The following ST3GAL6 variants were observed in gnomAD, a reference collection of about 807,000 sequenced individuals.
ST3GAL6 encodes the protein type 2 lactosamine alpha-2,3-sialyltransferase.
Under a neutral mutation model 40.5 loss-of-function variants are expected in ST3GAL6, and 31 were observed. The observed-to-expected ratio is 0.77, with a 90% CI of 0.58 to 1.03. ST3GAL6 has a LOEUF of 1.03. Ranked by LOEUF, ST3GAL6 falls within the 50% of genes least tolerant of loss-of-function variation. The pLI, the probability that ST3GAL6 is intolerant of heterozygous loss-of-function variation, is 0.00. For synonymous variants in ST3GAL6, 129 were observed against 136.9 expected, an observed-to-expected ratio of 0.94 and a Z score of 0.40; for missense variants, 357 against 393.2, an observed-to-expected ratio of 0.91 and a Z score of 0.78.
chr3:98,735,568 T>C (rs1576013201), intron 1 of ST3GAL6, among the ~76,000 whole-genome samples: 2 of 152,300 alleles, frequency 1.3e-5, no homozygotes, highest in South Asian at 4.1e-4. Flanking sequence ...TTCTTTCCTT[T>C]CTGAATACAT....
upstream of ST3GAL6, among the ~76,000 whole-genome samples, chr3:98,761,278 CAAAA>C (rs955712372): frequency 2.6e-5 from 4 of 151,252 alleles, no homozygotes; most frequent in Admixed American, 2.6e-4. Context: ...GACCCTGTCT[CAAAA>C]AAAGGAAAAA....
intron 9 of ST3GAL6, among the ~76,000 whole-genome samples, chr3:98,793,065 C>T (rs543162258): frequency 1.3e-4 from 20 of 152,262 alleles, no homozygotes; most frequent in African/African-American, 4.8e-4. Flanking sequence ...CCCTCACCCC[C>T]ACCCTCTGTC....
At chr3:98,776,150 A>T (rs183281141) in intron 5 of ST3GAL6, among the ~76,000 whole-genome samples, 83 of 152,338 alleles carry the variant, frequency 5.4e-4, no homozygotes, top group Non-Finnish European at 1.1e-3. Flanking sequence ...AGGGGTTCAC[A>T]TGTAGTATTA....
At chr3:98,749,790 T>A (rs1936847545) in intron 1 of ST3GAL6, among the ~76,000 whole-genome samples, 1 of 152,228 alleles carries the variant, frequency 6.6e-6, no homozygotes, top group Admixed American at 6.5e-5. Flanking sequence ...GGAAGGGCTG[T>A]GTATTCAGAT....
At chr3:98,743,871 G>A (rs1461072247) in intron 1 of ST3GAL6, among the ~76,000 whole-genome samples, 4 of 152,082 alleles carry the variant, frequency 2.6e-5, no homozygotes, top group African/African-American at 4.8e-5. Context: ...GCACCCCAAC[G>A]AGGGTGTAAT....
Position 98,763,456 on chromosome 3 carries a change from G to A in ST3GAL6, c.-12+17G>A. On this transcript the variant is annotated intron_variant, in intron 1 of 9. Transcript: ENST00000483910. ...GGTATGGAGGTGAGCCATGAACAAG[G>A]TTACCTGCTTAAGGGGAAGGTTGTG... is the stretch of plus-strand genomic sequence containing the variant. The A allele has an allele frequency of 1.6e-6, 2 of 1,289,582 alleles. No homozygotes were observed. Among genetic ancestry groups the A allele is most frequent in the Non-Finnish European group, 2.0e-6 (2 of 988,726 alleles). The allele number at this position is 1,289,582 out of a possible 1,614,324, so 79.9% of individuals were successfully genotyped here. A position where few individuals can be genotyped will look rare whatever the true frequency, so the allele number is the denominator to read the frequency against.
chr3:98,735,822 G>A (rs1247314824), intron 1 of ST3GAL6, among the ~76,000 whole-genome samples: 1 of 75,266 alleles, frequency 1.3e-5, no homozygotes, highest in Non-Finnish European at 2.7e-5. Flanking sequence ...GTTTTGGTAG[G>A]AAATTTTATT....
chr3:98,748,492 G>A (rs1936730214), intron 1 of ST3GAL6, among the ~76,000 whole-genome samples: 1 of 152,108 alleles, frequency 6.6e-6, no homozygotes, highest in Non-Finnish European at 1.5e-5. Context: ...TTGAGACAGA[G>A]TCTTGCTCTT....
upstream of ST3GAL6, chr3:98,762,847 T>A (rs1214497620): frequency 2.0e-6 from 2 of 985,276 alleles, no homozygotes; most frequent in African/African-American, 3.5e-5. Flanking sequence ...GATGAAAATA[T>A]CCGTGATTTC....
intron 6 of ST3GAL6, among the ~76,000 whole-genome samples, chr3:98,786,512 T>C (rs1559753476): frequency 6.6e-6 from 1 of 151,988 alleles, no homozygotes; most frequent in Admixed American, 6.6e-5. Context: ...AAAGCAGGCT[T>C]AGAGGCGTGA....
chr3:98,787,332 C>A (rs1446226515), intron 6 of ST3GAL6, among the ~76,000 whole-genome samples: 1 of 152,104 alleles, frequency 6.6e-6, no homozygotes, highest in Non-Finnish European at 1.5e-5. Context: ...GAGTCAGTAG[C>A]AAAGGGCAAA....
At chr3:98,786,199 G>A (rs1231878364) in intron 6 of ST3GAL6, among the ~76,000 whole-genome samples, 1 of 152,088 alleles carries the variant, frequency 6.6e-6, no homozygotes, top group Admixed American at 6.6e-5. Context: ...TTAAACCATG[G>A]ACTGGGTGAG....
intron 8 of ST3GAL6, 119 bp downstream of exon 8, chr3:98,788,582 C>G: frequency 1.2e-6 from 1 of 854,754 alleles, no homozygotes; most frequent in Non-Finnish European, 1.7e-6. Flanking sequence ...TTCTGAGGGC[C>G]ATCTCTGAGT....
intron 1 of ST3GAL6, among the ~76,000 whole-genome samples, chr3:98,740,587 C>T (rs1935997542): frequency 6.6e-6 from 1 of 152,144 alleles, no homozygotes; most frequent in Admixed American, 6.5e-5. Context: ...CATAACTTAT[C>T]ACTGCATGAC....
At chr3:98,774,511 TTAAA>T (rs1939329765) in intron 5 of ST3GAL6, among the ~76,000 whole-genome samples, 2 of 152,394 alleles carry the variant, frequency 1.3e-5, no homozygotes, top group South Asian at 2.1e-4. Flanking sequence ...AATTTTGTCA[TTAAA>T]TAACCCCATA....
chr3:98,750,966 C>T (rs1341648224), intron 1 of ST3GAL6, among the ~76,000 whole-genome samples: 1 of 152,136 alleles, frequency 6.6e-6, no homozygotes, highest in Non-Finnish European at 1.5e-5. Flanking sequence ...TAAGCTTCCC[C>T]AGGTGTAACT....
At chr3:98,789,415 A>G (rs1941017689) in intron 8 of ST3GAL6, among the ~76,000 whole-genome samples, 1 of 152,170 alleles carries the variant, frequency 6.6e-6, no homozygotes, top group Non-Finnish European at 1.5e-5. Flanking sequence ...CTTCCAGACT[A>G]TTTGCTATGC....
chr3:98,737,601 CT>C (rs967428196), intron 1 of ST3GAL6, among the ~76,000 whole-genome samples: 3 of 152,134 alleles, frequency 2.0e-5, no homozygotes, highest in African/African-American at 7.2e-5. Context: ...TCTAGGGAGA[CT>C]TGGCACAATT....
At chr3:98,759,014 T>C (rs1258828044), upstream of ST3GAL6, among the ~76,000 whole-genome samples, 2 of 152,192 alleles carry the variant, frequency 1.3e-5, no homozygotes, top group Non-Finnish European at 2.9e-5. Context: ...TCAGGGGGTC[T>C]GATTGTCAAG....
Sources: allele counts gnomAD v4.1 joint callset (sites outside exome capture counted in the v4.1 genomes callset), GRCh38; gene constraint gnomAD v4.1.1; transcripts MANE v1.5; gene names NCBI Gene and HGNC (gene_info 2026-07-23, HGNC 2026-07-21).